Variants in USP31 observed in about 807,000 individuals in gnomAD.
USP31 encodes ubiquitin specific peptidase 31.
In USP31, 44 loss-of-function variants were observed where a neutral mutation model predicts 119.4. The observed-to-expected ratio is 0.37, with a 90% confidence interval of 0.29 to 0.47. The LOEUF is 0.47. USP31 is among the 20% of genes least tolerant of loss of function. The pLI is 0.99. For missense variants in USP31, 1,643 were observed against 1,730.2 expected, an observed-to-expected ratio of 0.95 and a Z score of 0.89; for synonymous variants, 749 against 705.6, an observed-to-expected ratio of 1.06 and a Z score of -0.97.
chr16:23,125,105 G>A (rs1214460101), intron 1 of USP31, among the ~76,000 whole-genome samples: 2 of 152,154 alleles, frequency 1.3e-5, no homozygotes, highest in Non-Finnish European at 2.9e-5. Flanking sequence ...CACAGGCTGG[G>A]TTGGTTGGTG....
chr16:23,125,597 A>G (rs1334215532), intron 1 of USP31, among the ~76,000 whole-genome samples: 2 of 152,206 alleles, frequency 1.3e-5, no homozygotes, highest in African/African-American at 2.4e-5. Flanking sequence ...TAACTAGTAG[A>G]TATTTTCCAC....
Position 23,148,616 on chromosome 16 carries a change from GCGCGGCGGCGCGCGGGCTCACCTTGAAGT to G in USP31, c.626_633+21del, listed in dbSNP as rs1427146905. 6.9e-7 allele frequency: 1 copy of G among 1,449,078 alleles called. No individual in the cohort carries two copies. Among genetic ancestry groups the G allele is most frequent in the South Asian group, 1.4e-5 (1 of 71,128 alleles). The allele number at this position is 1,449,078 out of a possible 1,614,324, so 89.8% of individuals were successfully genotyped here. On this transcript the variant is annotated splice_donor_variant and splice_donor_5th_base_variant and coding_sequence_variant and intron_variant, in exon 1 of 16. Transcript: ENST00000219689. LOFTEE classifies it high-confidence loss of function. ...CCCAGGGGCTCGGGGTGCAGTGGGG[GCGCGGCGGCGCGCGGGCTCACCTTGAAGT>G]CGCGGCTGTGCTGCGGGGTGTACTC...
At chr16:23,103,191 TACA>T (rs1228422443) in intron 5 of USP31, among the ~76,000 whole-genome samples, 2 of 152,172 alleles carry the variant, frequency 1.3e-5, no homozygotes, top group African/African-American at 4.8e-5. Flanking sequence ...CCTAAAGTTC[TACA>T]ACGATTCAGC....
At chr16:23,073,603 G>A (rs1900433618) in intron 14 of USP31, 119 bp downstream of exon 14, 11 of 1,255,436 alleles carry the variant, frequency 8.8e-6, no homozygotes, top group East Asian at 2.4e-5. Context: ...AAATGGAAAC[G>A]TAAGGATTCA....
chr16:23,123,252 A>G (rs1902733958), intron 1 of USP31, among the ~76,000 whole-genome samples: 1 of 152,186 alleles, frequency 6.6e-6, no homozygotes, highest in Non-Finnish European at 1.5e-5. Context: ...AAAAGTTGAC[A>G]TTAGGCTGGG....
chr16:23,144,953 A>G (rs1903463320), intron 1 of USP31, among the ~76,000 whole-genome samples: 1 of 152,192 alleles, frequency 6.6e-6, no homozygotes, highest in East Asian at 1.9e-4. Context: ...TGGATTTTCA[A>G]CTTGCAGAGG....
intron 15 of USP31, among the ~76,000 whole-genome samples, chr16:23,070,116 C>T (rs1050071698): frequency 2.0e-5 from 3 of 152,214 alleles, no homozygotes; most frequent in Non-Finnish European, 4.4e-5. Flanking sequence ...TTAAATACAA[C>T]CTTACAAGTC....
intron 9 of USP31, 149 bp from the exon 10 acceptor site, chr16:23,085,811 A>C: frequency 1.5e-6 from 1 of 688,240 alleles, no homozygotes; most frequent in Non-Finnish European, 2.5e-6. Context: ...AAAAGTTTTC[A>C]GCAAGACCAC....
intron 1 of USP31, among the ~76,000 whole-genome samples, chr16:23,130,895 T>C (rs957367547): frequency 2.0e-5 from 3 of 152,210 alleles, no homozygotes; most frequent in Admixed American, 2.0e-4. Flanking sequence ...GGGTAGTTAG[T>C]TCATTTTTGG....
intron 1 of USP31, among the ~76,000 whole-genome samples, chr16:23,146,398 C>A (rs1014573870): frequency 6.6e-6 from 1 of 152,028 alleles, no homozygotes; most frequent in East Asian, 1.9e-4. Flanking sequence ...GTAGCGGGCG[C>A]CTGTAGTCCC....
intron 1 of USP31, among the ~76,000 whole-genome samples, chr16:23,109,841 CAAAA>C (rs60568760): frequency 2.7e-5 from 3 of 110,196 alleles, no homozygotes; most frequent in Admixed American, 1.9e-4. Flanking sequence ...GACATTCTAC[CAAAA>C]AAAAAAAAAA....
At chr16:23,107,683 G>C (rs1317270498) in intron 2 of USP31, among the ~76,000 whole-genome samples, 2 of 152,158 alleles carry the variant, frequency 1.3e-5, no homozygotes, top group Non-Finnish European at 2.9e-5. Context: ...TTTCCTTTAT[G>C]ATTGTGTATT....
intron 10 of USP31, 37 bp from the exon 11 acceptor site, chr16:23,085,026 C>A (rs751002212): frequency 1.2e-6 from 2 of 1,607,078 alleles, no homozygotes; most frequent in Non-Finnish European, 1.7e-6. Context: ...CAGGGAATGT[C>A]TTGCAAAACA....
chr16:23,139,296 G>A (rs567714362), intron 1 of USP31, among the ~76,000 whole-genome samples: 4 of 152,290 alleles, frequency 2.6e-5, no homozygotes, highest in Admixed American at 1.3e-4. Context: ...CAGCTACTCA[G>A]GAGGCTGAGG....
intron 1 of USP31, among the ~76,000 whole-genome samples, chr16:23,131,494 A>G (rs900784370): frequency 2.0e-5 from 3 of 152,152 alleles, no homozygotes; most frequent in Non-Finnish European, 4.4e-5. Context: ...TTCAATTAAT[A>G]TACCTAGGTT....
rs1365770438 is a variant in USP31 at position 23,068,923 on chromosome 16, G to A, written c.3182C>T (p.Pro1061Leu). ...CTTTAGAGAGACTTTTACAGGAAGAGGAGAAGAAGGGGATGTACTTGAAAG... is the reference window on the plus strand; with the variant it reads ...CTTTAGAGAGACTTTTACAGGAAGAAGAGAAGAAGGGGATGTACTTGAAAG... ...SSLSSTSPSS[P>L]LPVKVSLKPS... The change falls in exon 16 of 16, where the codon CCT (proline) becomes CTT (leucine). Residue 1061 changes from proline to leucine, a missense_variant. Physicochemically the swap from Pro to Leu is moderately conservative, Grantham distance 98 (BLOSUM62 -3). This residue lies in a region of USP31 where 699 missense variants were observed against 650.9 expected (regional missense o/e 1.07). Coordinates refer to ENST00000219689, the MANE Select transcript of USP31 (RefSeq NM_020718.4). 9 of 1,609,316 alleles carry A rather than the reference G, an allele frequency of 5.6e-6. No homozygotes were observed. The highest frequency in any genetic ancestry group is 7.6e-6 in the Non-Finnish European group (9 of 1,179,384).
In USP31 at chr16:23,062,252, A is replaced by G. The variant is rs900981052; in HGVS notation, c.*5794T>C. On this transcript the variant is annotated 3_prime_UTR_variant, in exon 16 of 16. Coordinates refer to ENST00000219689, the MANE Select transcript of USP31 (RefSeq NM_020718.4). Reference sequence around the variant, plus strand: ...ATTCAGCTCACCACAGATTAAAACTAAATTTTATTTGCCTCCACAGTTAAC... The same window carrying G: ...ATTCAGCTCACCACAGATTAAAACTGAATTTTATTTGCCTCCACAGTTAAC... The G allele has an allele frequency of 1.6e-4, 24 of 152,578 alleles. No individual in the cohort carries two copies. The highest frequency in any genetic ancestry group is 5.8e-4 in the African/African-American group (24 of 41,576). The allele number at this position is 152,578 out of a possible 1,614,324, so 9.5% of individuals were successfully genotyped here. A position where few individuals can be genotyped will look rare whatever the true frequency, so the allele number is the denominator to read the frequency against.
intron 1 of USP31, among the ~76,000 whole-genome samples, chr16:23,123,836 C>A (rs1902760336): frequency 6.6e-6 from 1 of 151,900 alleles, no homozygotes. Flanking sequence ...CTGGTTTCTA[C>A]CAAAAATTTA....
intron 1 of USP31, among the ~76,000 whole-genome samples, chr16:23,125,261 A>C (rs562089810): frequency 2.0e-5 from 3 of 152,336 alleles, no homozygotes; most frequent in African/African-American, 7.2e-5. Context: ...TGACCTGCCC[A>C]AGATCTCAGC....
Sources: allele counts gnomAD v4.1 joint callset (sites outside exome capture counted in the v4.1 genomes callset), GRCh38; gene constraint gnomAD v4.1.1; regional missense constraint gnomAD v4.1.1; transcripts MANE v1.5; gene names NCBI Gene and HGNC (gene_info 2026-07-23, HGNC 2026-07-21).